HIVEP1: variants seen among roughly 807,000 people sequenced by gnomAD.
HIVEP1 encodes the protein zinc finger protein 40.
In HIVEP1, 36 loss-of-function variants were observed where a neutral mutation model predicts 180.0. That is an observed-to-expected ratio of 0.20 (90% CI 0.15 to 0.26). HIVEP1 has a LOEUF of 0.26. Ranked by LOEUF, HIVEP1 falls within the 10% of genes least tolerant of loss-of-function variation. The probability of loss-of-function intolerance (pLI) is 1.00; values close to 1 mark genes in which losing one functional copy is unlikely to be tolerated. For synonymous variants in HIVEP1, 1,239 were observed against 1,239.0 expected, an observed-to-expected ratio of 1.00 and a Z score of 0.00; for missense variants, 3,143 against 3,268.7, an observed-to-expected ratio of 0.96 and a Z score of 0.94.
At chr6:12,137,196 G>A (rs1229223629) in intron 7 of HIVEP1, among the ~76,000 whole-genome samples, 1 of 152,126 alleles carries the variant, frequency 6.6e-6, no homozygotes, top group Non-Finnish European at 1.5e-5. Context: ...CAGCAAGTAC[G>A]TTCATTACCC....
In HIVEP1 at chr6:12,103,175, GTTGA is replaced by G. The variant is rs1190523265; in HGVS notation, c.94+13941_94+13944del. The stretch of plus-strand genomic sequence containing the variant: ...TATTGCAATTGCAACCAGCGATGGT[GTTGA>G]TTATGTAATAATAATAATAATAATA... On this transcript the variant is annotated intron_variant, in intron 3 of 8. Transcript: ENST00000379388. Among the ~76,000 whole-genome samples the G allele has an allele frequency of 9.0e-5, 10 of 111,030 alleles. No homozygotes were observed. In the Admixed American group the frequency reaches 9.6e-4, roughly 11 times the overall value. 72.8% of individuals were successfully genotyped at this position (111,030 alleles called of 152,430 possible). A position where few individuals can be genotyped will look rare whatever the true frequency, so the allele number is the denominator to read the frequency against.
rs537686375 is a variant in HIVEP1, at chr6:12,054,712, C to T, written c.41-34472C>T. ...GTTTGTTTCCATTTTATTTGGTTATCGTGGAACCTCTTTTTTCACTTTTCT... is the reference window on the plus strand; with the variant it reads ...GTTTGTTTCCATTTTATTTGGTTATTGTGGAACCTCTTTTTTCACTTTTCT... On this transcript the variant is annotated intron_variant, in intron 2 of 8. Transcript: ENST00000379388. Among the ~76,000 whole-genome samples the T allele has an allele frequency of 6.6e-5, 10 of 152,170 alleles. No homozygotes were observed. In the East Asian group the frequency reaches 9.6e-4, roughly 15 times the overall value.
At chr6:12,160,787 G>C (rs951038928) in intron 7 of HIVEP1, among the ~76,000 whole-genome samples, 4 of 152,194 alleles carry the variant, frequency 2.6e-5, no homozygotes, top group African/African-American at 9.7e-5. Flanking sequence ...ACATTACTAG[G>C]TTAATTCACA....
At chr6:12,168,895 C>T (rs184335888), downstream of HIVEP1, among the ~76,000 whole-genome samples, 5 of 152,036 alleles carry the variant, frequency 3.3e-5, no homozygotes, top group East Asian at 1.9e-4. Flanking sequence ...GCTTTTTTGT[C>T]GTTGTTGTTG....
At chr6:12,021,338 T>G (rs1329674899) in intron 2 of HIVEP1, among the ~76,000 whole-genome samples, 1 of 152,216 alleles carries the variant, frequency 6.6e-6, no homozygotes, top group Admixed American at 6.5e-5. Context: ...AGCATGCACA[T>G]CCGGTATTTC....
intron 7 of HIVEP1, among the ~76,000 whole-genome samples, chr6:12,142,792 G>T (rs954932210): frequency 2.0e-5 from 3 of 152,268 alleles, no homozygotes; most frequent in Admixed American, 2.0e-4. Flanking sequence ...AGAAGAAATG[G>T]ATAAATTCCT....
chr6:12,191,949 A>G, the HIVEP1 span, among the ~76,000 whole-genome samples: 11 of 152,336 alleles, frequency 7.2e-5, no homozygotes, highest in African/African-American at 2.6e-4. Flanking sequence ...AGGCCAGAAA[A>G]CATGATAAAG....
At chr6:12,194,386 T>G in the HIVEP1 span, among the ~76,000 whole-genome samples, 2 of 150,796 alleles carry the variant, frequency 1.3e-5, no homozygotes, top group African/African-American at 4.9e-5. Flanking sequence ...AGAGAGAGAA[T>G]CTACCACATA....
At chr6:12,162,796 T>A (rs538542073) in intron 8 of HIVEP1, among the ~76,000 whole-genome samples, 1 of 152,326 alleles carries the variant, frequency 6.6e-6, no homozygotes, top group South Asian at 2.1e-4. Flanking sequence ...CCAGAGAACT[T>A]TTTCATAGTA....
At chr6:12,208,995 G>T in the HIVEP1 span, among the ~76,000 whole-genome samples, 1 of 152,130 alleles carries the variant, frequency 6.6e-6, no homozygotes, top group Non-Finnish European at 1.5e-5. Flanking sequence ...TAGCCACTCT[G>T]GCCTCCTCGC....
Position 12,124,230 on chromosome 6 carries a change from G to A in HIVEP1, c.4435G>A (p.Ala1479Thr). The change falls in exon 4 of 9, where the codon GCA becomes ACA. Residue 1479 changes from alanine to threonine, a missense_variant. Physicochemically the swap from Ala to Thr is moderately conservative, Grantham distance 58. This residue lies in a region of HIVEP1 where 1,357 missense variants were observed against 1,260.5 expected (regional missense o/e 1.08). Transcript: ENST00000379388. ...TAGTACATCTTTAGCTGAGTTTTCT[G>A]CAAATACTTTGCACTCTCAGACTCA... ...LTSTSLAEFS[A>T]NTLHSQTQVK... 6.2e-7 allele frequency: 1 copy of A among 1,614,092 alleles called. No individual in the cohort carries two copies. Among genetic ancestry groups the A allele is most frequent in the Non-Finnish European group, 8.5e-7 (1 of 1,180,020 alleles).
Position 12,063,244 on chromosome 6 carries a change from G to A in HIVEP1, c.41-25940G>A, listed in dbSNP as rs1372148005. On this transcript the variant is annotated intron_variant, in intron 2 of 8. Transcript: ENST00000379388. The surrounding 1 kb of genome is among the most constrained non-coding windows in gnomAD (Gnocchi z 4.2). ...TCAACCTCAGCTCCATTTATGATTTGGCCTAGATAATTCTTTGTCTTGGGC... is the reference window on the plus strand; with the variant it reads ...TCAACCTCAGCTCCATTTATGATTTAGCCTAGATAATTCTTTGTCTTGGGC... Among the ~76,000 whole-genome samples the A allele has an allele frequency of 6.6e-6, 1 of 152,018 alleles. No individual in the cohort carries two copies. The highest frequency in any genetic ancestry group is 1.5e-5 in the Non-Finnish European group (1 of 68,018).
the HIVEP1 span, among the ~76,000 whole-genome samples, chr6:12,172,201 G>C: frequency 2.6e-5 from 4 of 152,150 alleles, 1 homozygote; most frequent in African/African-American, 9.7e-5. Context: ...TAATTACTTT[G>C]CTTTTGTTCT....
At position 12,027,670 on chromosome 6, in the gene HIVEP1, C is replaced by T. The variant is rs139535645; in HGVS notation, c.40+12002C>T. Among the ~76,000 whole-genome samples, 618 of 152,264 alleles carry T rather than the reference C, an allele frequency of 4.1e-3. 14 individuals carry two copies. In the South Asian group the frequency reaches 0.041, roughly 10 times the overall value. Reference sequence around the variant, plus strand: ...AAAATAGAGCTGTCTTTGAGAGGTGCGCCTTCTGACAAATGAGCCCTACAA... The same window carrying T: ...AAAATAGAGCTGTCTTTGAGAGGTGTGCCTTCTGACAAATGAGCCCTACAA... On this transcript the variant is annotated intron_variant, in intron 2 of 8. Coordinates refer to ENST00000379388, the MANE Select transcript of HIVEP1 (RefSeq NM_002114.4).
chr6:12,167,579 T>C (rs377521333), downstream of HIVEP1, among the ~76,000 whole-genome samples: 2 of 9,188 alleles, frequency 2.2e-4, no homozygotes, highest in South Asian at 0.02. Flanking sequence ...ATGTTATATA[T>C]ACGTTATATT....
At chr6:12,180,180 G>C in the HIVEP1 span, among the ~76,000 whole-genome samples, 1 of 152,210 alleles carries the variant, frequency 6.6e-6, no homozygotes, top group African/African-American at 2.4e-5. Flanking sequence ...AGGAAACTGA[G>C]GCTGAGAATG....
chr6:12,167,479 C>G (rs938296219), downstream of HIVEP1, among the ~76,000 whole-genome samples: 15 of 142,286 alleles, frequency 1.1e-4, no homozygotes, highest in Non-Finnish European at 1.1e-4. Flanking sequence ...CTTCCCATGA[C>G]TTAAAATTCT....
At chr6:12,083,154 G>A (rs913822722) in intron 2 of HIVEP1, among the ~76,000 whole-genome samples, 1 of 152,132 alleles carries the variant, frequency 6.6e-6, no homozygotes. Context: ...TCAAGTGTGT[G>A]TGTGTGTTTC....
intron 7 of HIVEP1, among the ~76,000 whole-genome samples, chr6:12,136,553 A>G (rs1456001499): frequency 2.0e-5 from 3 of 152,086 alleles, no homozygotes; most frequent in South Asian, 4.1e-4. Flanking sequence ...TTATTCACGC[A>G]CTCACCTGAG....
Sources: gnomAD v4.1 joint callset for allele counts (sites outside exome capture counted in the v4.1 genomes callset) on GRCh38, gnomAD v4.1.1 for gene constraint, gnomAD v4.1.1 regional missense constraint, Gnocchi (gnomAD v3.1) non-coding constraint, MANE v1.5 for transcripts, NCBI Gene and HGNC (gene_info 2026-07-23, HGNC 2026-07-21) for gene names.